ZMAT4: variants seen among roughly 807,000 people sequenced by gnomAD.
ZMAT4 encodes zinc finger matrin-type 4.
Under a neutral mutation model 28.7 loss-of-function variants are expected in ZMAT4, and 17 were observed. That is an observed-to-expected ratio of 0.59 (90% CI 0.41 to 0.89). The LOEUF is 0.89. Ranked by LOEUF, ZMAT4 falls within the 40% of genes least tolerant of loss-of-function variation. ZMAT4 has a pLI of 0.00. For missense variants in ZMAT4, 240 were observed against 283.8 expected (o/e 0.85, Z 1.11); for synonymous variants, 117 against 109.2 (o/e 1.07, Z -0.44).
intron 6 of ZMAT4, among the ~76,000 whole-genome samples, chr8:40,550,636 G>A (rs1054810742): frequency 2.6e-5 from 4 of 152,094 alleles, no homozygotes; most frequent in African/African-American, 7.2e-5. Flanking sequence ...TGAGTCTCAC[G>A]AGATCTGATG....
chr8:40,629,802 A>G (rs1289993578), intron 5 of ZMAT4, among the ~76,000 whole-genome samples: 1 of 151,982 alleles, frequency 6.6e-6, no homozygotes. Flanking sequence ...AATCCAGTCT[A>G]TCGTTGTTGG....
intron 3 of ZMAT4, among the ~76,000 whole-genome samples, chr8:40,710,679 T>C (rs1244967381): frequency 6.6e-6 from 1 of 151,652 alleles, no homozygotes; most frequent in Non-Finnish European, 1.5e-5. Context: ...TATCTTGCCA[T>C]GCTAGACAAC....
intron 5 of ZMAT4, among the ~76,000 whole-genome samples, chr8:40,596,422 G>A (rs564031268): frequency 8.5e-5 from 13 of 152,142 alleles, no homozygotes; most frequent in Non-Finnish European, 1.6e-4. Context: ...TTGCACAGCT[G>A]TACAAAAACA....
intron 3 of ZMAT4, among the ~76,000 whole-genome samples, chr8:40,759,018 A>T (rs1812811347): frequency 6.6e-6 from 1 of 152,128 alleles, no homozygotes; most frequent in Non-Finnish European, 1.5e-5. Context: ...GGTGCAGTGG[A>T]TCACGCCTGT....
chr8:40,658,538 G>T (rs1199660374), intron 5 of ZMAT4, among the ~76,000 whole-genome samples: 1 of 151,398 alleles, frequency 6.6e-6, no homozygotes, highest in Non-Finnish European at 1.5e-5. Context: ...AGTACTTTTA[G>T]CTTGAGCTAA....
At chr8:40,627,019 G>A (rs1806405009) in intron 5 of ZMAT4, among the ~76,000 whole-genome samples, 1 of 152,130 alleles carries the variant, frequency 6.6e-6, no homozygotes, top group Non-Finnish European at 1.5e-5. Context: ...GGGTCTCCCT[G>A]ATAATTCTGT....
At position 40,601,506 on chromosome 8, in the gene ZMAT4, A is replaced by AG. The variant is rs879601209; in HGVS notation, c.578-20246_578-20245insC. Among the ~76,000 whole-genome samples the AG allele has an allele frequency of 6.2e-3, 915 of 147,202 alleles. 26 individuals are homozygous for AG. The highest frequency in any genetic ancestry group is 0.011 in the Non-Finnish European group (720 of 66,474). On this transcript the variant is annotated intron_variant, in intron 5 of 6. Transcript: ENST00000297737. The stretch of plus-strand genomic sequence containing the variant: ...GAAAGAAAGAAAGAGAGAAAGAAAG[A>AG]AAGAGAAAGAGAAAGAAAGAGGGAG...
At chr8:40,586,009 T>G (rs1804660934) in intron 5 of ZMAT4, among the ~76,000 whole-genome samples, 1 of 152,194 alleles carries the variant, frequency 6.6e-6, no homozygotes, top group South Asian at 2.1e-4. Flanking sequence ...ATAACAGTTC[T>G]CACGCTCTGC....
At chr8:40,586,423 G>T (rs1008431528) in intron 5 of ZMAT4, among the ~76,000 whole-genome samples, 1 of 152,190 alleles carries the variant, frequency 6.6e-6, no homozygotes, top group Non-Finnish European at 1.5e-5. Flanking sequence ...AGACAATCCA[G>T]TTGGAGACAG....
At chr8:40,536,279 T>C (rs1355758604) in intron 6 of ZMAT4, among the ~76,000 whole-genome samples, 1 of 152,146 alleles carries the variant, frequency 6.6e-6, no homozygotes, top group Non-Finnish European at 1.5e-5. Flanking sequence ...ATCTTATTGG[T>C]CTCCTACTTC....
At chr8:40,532,684 G>T (rs1563328655) in intron 6 of ZMAT4, among the ~76,000 whole-genome samples, 2 of 92,404 alleles carry the variant, frequency 2.2e-5, no homozygotes, top group African/African-American at 3.9e-5. Context: ...AATTTTCTCT[G>T]TTAGAAGAAT....
intron 3 of ZMAT4, among the ~76,000 whole-genome samples, chr8:40,723,880 G>A (rs1199613866): frequency 6.6e-6 from 1 of 152,110 alleles, no homozygotes; most frequent in African/African-American, 2.4e-5. Flanking sequence ...AGAGCCAGCA[G>A]AGAGCTGCCA....
At position 40,581,443 on chromosome 8, in the gene ZMAT4, A is replaced by T. The variant is rs147523997; in HGVS notation, c.578-182T>A. Among the ~76,000 whole-genome samples, 274 of 152,290 alleles carry T rather than the reference A, an allele frequency of 1.8e-3. 2 individuals carry two copies. The highest frequency in any genetic ancestry group is 6.4e-3 in the African/African-American group (266 of 41,574). On this transcript the variant is annotated intron_variant, in intron 5 of 6. Coordinates refer to ENST00000297737, the MANE Select transcript of ZMAT4 (RefSeq NM_024645.3). ...GTCTCTTAGCAGAAGTGTAATTATG[A>T]ATATGTTAGAAGCAGCTTATTTCAT...
At chr8:40,821,637 T>C (rs960603631) in intron 2 of ZMAT4, among the ~76,000 whole-genome samples, 2 of 152,206 alleles carry the variant, frequency 1.3e-5, no homozygotes, top group Non-Finnish European at 2.9e-5. Flanking sequence ...CTGTTTTGTT[T>C]TGCTCTCCTA....
At chr8:40,847,866 A>C (rs1586161929) in intron 1 of ZMAT4, among the ~76,000 whole-genome samples, 1 of 151,744 alleles carries the variant, frequency 6.6e-6, no homozygotes, top group South Asian at 2.1e-4. Flanking sequence ...CCAACAGAAA[A>C]CCCTGAGGTC....
intron 2 of ZMAT4, among the ~76,000 whole-genome samples, chr8:40,778,930 A>C (rs1026983715): frequency 1.6e-4 from 24 of 152,212 alleles, no homozygotes; most frequent in African/African-American, 5.8e-4. Context: ...ATTGTAATGC[A>C]TCCTCAACTC....
chr8:40,823,661 A>G (rs1815912309), intron 2 of ZMAT4, among the ~76,000 whole-genome samples: 2 of 152,120 alleles, frequency 1.3e-5, no homozygotes, highest in South Asian at 4.1e-4. Flanking sequence ...TCCATCACAC[A>G]CAAATATACA....
At chr8:40,636,410 T>C (rs1806793685) in intron 5 of ZMAT4, among the ~76,000 whole-genome samples, 2 of 152,216 alleles carry the variant, frequency 1.3e-5, no homozygotes, top group African/African-American at 4.8e-5. Context: ...ATCCATCATG[T>C]TTTTTAGCCA....
intron 1 of ZMAT4, among the ~76,000 whole-genome samples, chr8:40,865,952 C>T (rs113601083): frequency 4.7e-4 from 72 of 152,212 alleles, no homozygotes; most frequent in Admixed American, 2.6e-4. Context: ...CGACTGGATT[C>T]GACAAAGCCT....
Sources: gnomAD v4.1 joint callset for allele counts (sites outside exome capture counted in the v4.1 genomes callset) on GRCh38, gnomAD v4.1.1 for gene constraint, MANE v1.5 for transcripts, NCBI Gene and HGNC (gene_info 2026-07-23, HGNC 2026-07-21) for gene names.